Variants in SPMIP4 observed in about 807,000 individuals in gnomAD.
SPMIP4 encodes sperm-associated microtubule inner protein 4.
At chr7:25,135,388 GCTGA>G in the SPMIP4 span, 2 of 985,216 alleles carry the variant, frequency 2.0e-6, no homozygotes, top group Non-Finnish European at 2.4e-6. Context: ...CATTTTTTTC[GCTGA>G]CTTATTTTCT....
the SPMIP4 span, among the ~76,000 whole-genome samples, chr7:25,168,057 A>G: frequency 6.6e-6 from 1 of 152,374 alleles, no homozygotes; most frequent in East Asian, 1.9e-4. Context: ...TCTCAGGAAC[A>G]TTAAATGAAT....
At chr7:25,134,576 G>T in the SPMIP4 span, 1 of 652,646 alleles carries the variant, frequency 1.5e-6, no homozygotes, top group East Asian at 1.4e-4. Context: ...GAGGTAGGCA[G>T]AGTGAACACC....
the SPMIP4 span, among the ~76,000 whole-genome samples, chr7:25,168,993 C>T: frequency 2.1e-4 from 31 of 151,010 alleles, 1 homozygote; most frequent in Admixed American, 1.8e-3. Context: ...TCCCAAAGTG[C>T]TTGAGATTAC....
At chr7:25,151,233 T>C in the SPMIP4 span, among the ~76,000 whole-genome samples, 1 of 152,024 alleles carries the variant, frequency 6.6e-6, no homozygotes, top group Non-Finnish European at 1.5e-5. Context: ...GATTTTTTTT[T>C]TTTTTTTTAA....
At chr7:25,164,221 G>A in the SPMIP4 span, among the ~76,000 whole-genome samples, 2 of 152,090 alleles carry the variant, frequency 1.3e-5, no homozygotes, top group African/African-American at 4.8e-5. Context: ...TCCCTCCCCA[G>A]CTACCTCGAG....
chr7:25,158,570 G>A, the SPMIP4 span: 4 of 1,571,332 alleles, frequency 2.5e-6, no homozygotes, highest in Admixed American at 1.7e-5. Context: ...CTTATATTGA[G>A]GGCTTTTAAA....
At chr7:25,175,789 G>C in the SPMIP4 span, among the ~76,000 whole-genome samples, 6 of 152,152 alleles carry the variant, frequency 3.9e-5, no homozygotes, top group Non-Finnish European at 8.8e-5. Context: ...CCTGCACTTG[G>C]TCTGAAGAAG....
chr7:25,130,794 G>A, the SPMIP4 span, among the ~76,000 whole-genome samples: 2 of 152,206 alleles, frequency 1.3e-5, no homozygotes, highest in African/African-American at 2.4e-5. Context: ...AATTCCTCCC[G>A]TAGTTAGCTT....
the SPMIP4 span, among the ~76,000 whole-genome samples, chr7:25,177,673 TA>T: frequency 1.3e-5 from 2 of 152,200 alleles, no homozygotes; most frequent in Non-Finnish European, 2.9e-5. Flanking sequence ...ATTTCATATG[TA>T]AAATGCAGAT....
At chr7:25,178,826 G>A in the SPMIP4 span, among the ~76,000 whole-genome samples, 5 of 152,096 alleles carry the variant, frequency 3.3e-5, no homozygotes, top group South Asian at 8.3e-4. Context: ...ATCATTTGAG[G>A]TCAGGAGTTT....
the SPMIP4 span, among the ~76,000 whole-genome samples, chr7:25,159,996 AAAAAT>A: frequency 1.3e-5 from 2 of 152,122 alleles, no homozygotes; most frequent in African/African-American, 4.8e-5. Context: ...AATGAAAAAA[AAAAAT>A]AAATTTAAAA....
At chr7:25,135,846 G>A in the SPMIP4 span, 7 of 1,411,274 alleles carry the variant, frequency 5.0e-6, no homozygotes, top group East Asian at 5.1e-5. Flanking sequence ...TCCTGAAAAT[G>A]TAAACCTCAC....
chr7:25,151,791 A>G, the SPMIP4 span: 2 of 589,658 alleles, frequency 3.4e-6, no homozygotes, highest in Non-Finnish European at 5.9e-6. Flanking sequence ...GTTGGTGTAC[A>G]TTTTACCTAT....
At chr7:25,135,139 A>G in the SPMIP4 span, 1 of 348,346 alleles carries the variant, frequency 2.9e-6, no homozygotes, top group Non-Finnish European at 4.0e-6. Context: ...TATGGGAGTT[A>G]GCCAAACTCT....
At chr7:25,163,733 G>A in the SPMIP4 span, among the ~76,000 whole-genome samples, 2 of 152,126 alleles carry the variant, frequency 1.3e-5, no homozygotes, top group Non-Finnish European at 2.9e-5. The surrounding 1 kb of genome is among the most constrained non-coding windows in gnomAD (Gnocchi z 4.4). Flanking sequence ...CAGCCATCTG[G>A]TGGTAGGATA....
At chr7:25,137,301 CT>C in the SPMIP4 span, among the ~76,000 whole-genome samples, 80,221 of 126,900 alleles carry the variant, frequency 0.63, 22,991 homozygotes, top group Non-Finnish European at 0.69. Context: ...GCTGAATTTT[CT>C]TTTTTTTTTT....
the SPMIP4 span, among the ~76,000 whole-genome samples, chr7:25,151,039 A>T: frequency 1.3e-5 from 2 of 152,122 alleles, no homozygotes; most frequent in Non-Finnish European, 2.9e-5. Flanking sequence ...GGGTTGGAGG[A>T]ACACAGTGTG....
At chr7:25,165,945 TA>T in the SPMIP4 span, among the ~76,000 whole-genome samples, 1 of 152,332 alleles carries the variant, frequency 6.6e-6, no homozygotes, top group East Asian at 1.9e-4. Flanking sequence ...CCAGCCTTCC[TA>T]GCAGCCAGGG....
the SPMIP4 span, among the ~76,000 whole-genome samples, chr7:25,170,559 C>T: frequency 6.6e-6 from 1 of 152,130 alleles, no homozygotes; most frequent in Non-Finnish European, 1.5e-5. Flanking sequence ...TCTGTTTTTC[C>T]TTTTATTGCT....
Sources: allele counts gnomAD v4.1 joint callset (sites outside exome capture counted in the v4.1 genomes callset), GRCh38; gene constraint gnomAD v4.1.1; non-coding constraint Gnocchi (gnomAD v3.1); transcripts MANE v1.5; gene names NCBI Gene and HGNC (gene_info 2026-07-23, HGNC 2026-07-21).